The following SPACA7 variants were observed in gnomAD, a reference collection of about 807,000 sequenced individuals.
SPACA7 encodes sperm acrosome-associated protein 7.
Under a neutral mutation model 26.3 loss-of-function variants are expected in SPACA7, and 19 were observed. That is an observed-to-expected ratio of 0.72 (90% CI 0.50 to 1.06). The LOEUF is 1.06. SPACA7 is among the 50% of genes least tolerant of loss of function. The pLI, the probability that SPACA7 is intolerant of heterozygous loss-of-function variation, is 0.00. For missense variants in SPACA7, 211 were observed against 229.9 expected (o/e 0.92, Z 0.53); for synonymous variants, 84 against 84.5 (o/e 0.99, Z 0.04).
intron 5 of SPACA7, among the ~76,000 whole-genome samples, chr13:112,401,735 G>T (rs1254730779): frequency 6.6e-6 from 1 of 152,182 alleles, no homozygotes; most frequent in African/African-American, 2.4e-5. Context: ...TGCTACATTA[G>T]CTCTTGGATC....
intron 5 of SPACA7, among the ~76,000 whole-genome samples, chr13:112,410,048 G>T (rs1886245340): frequency 6.6e-6 from 1 of 152,114 alleles, no homozygotes; most frequent in Non-Finnish European, 1.5e-5. Context: ...AAAAAAGGAT[G>T]AGTTCATGTC....
intron 5 of SPACA7, among the ~76,000 whole-genome samples, chr13:112,404,644 T>G (rs2138974996): frequency 6.6e-6 from 1 of 152,240 alleles, no homozygotes; most frequent in African/African-American, 2.4e-5. Flanking sequence ...GGCTTGTCAA[T>G]TATACCAGCA....
rs373983426 is a variant in SPACA7, at chr13:112,434,431, C to A, written c.524-54C>A. 1,733 of 1,470,104 alleles carry A rather than the reference C, an allele frequency of 1.2e-3. 2 individuals are homozygous for A. Among genetic ancestry groups the A allele is most frequent in the Admixed American group, 7.9e-3 (419 of 52,746 alleles). 91.1% of individuals were successfully genotyped at this position (1,470,104 alleles called of 1,614,324 possible). On this transcript the variant is annotated intron_variant, in intron 6 of 6. Coordinates refer to ENST00000283550, the MANE Select transcript of SPACA7 (RefSeq NM_145248.5). ...GTGTCCCTCGATCCTGCCAGTGCCT[C>A]CATCTCCCTCATACCACACACTGCC...
intron 5 of SPACA7, among the ~76,000 whole-genome samples, chr13:112,411,258 A>G (rs1886333738): frequency 6.6e-6 from 1 of 151,916 alleles, no homozygotes; most frequent in South Asian, 2.1e-4. Flanking sequence ...AATGTCCCTA[A>G]TTCCCTTTTT....
intron 1 of SPACA7, among the ~76,000 whole-genome samples, chr13:112,386,968 C>T (rs922700532): frequency 3.3e-5 from 5 of 152,124 alleles, no homozygotes; most frequent in African/African-American, 1.2e-4. Flanking sequence ...AAATCAGAAG[C>T]TATCTATGAG....
intron 5 of SPACA7, among the ~76,000 whole-genome samples, chr13:112,421,214 A>G (rs1031286401): frequency 1.4e-5 from 2 of 147,838 alleles, no homozygotes; most frequent in Non-Finnish European, 3.0e-5. Context: ...GAAAAGAAAG[A>G]AAGAAACATG....
intron 1 of SPACA7, among the ~76,000 whole-genome samples, chr13:112,380,519 T>C (rs936124221): frequency 2.6e-5 from 4 of 151,598 alleles, no homozygotes; most frequent in Non-Finnish European, 5.9e-5. Flanking sequence ...ATACTAAAGC[T>C]CATCTATAAA....
chr13:112,395,490 T>C (rs1025004627), intron 2 of SPACA7, among the ~76,000 whole-genome samples: 7 of 152,074 alleles, frequency 4.6e-5, no homozygotes, highest in Non-Finnish European at 1.0e-4. Flanking sequence ...TTTTTTGAGA[T>C]GGAGTCTCAC....
intron 1 of SPACA7, among the ~76,000 whole-genome samples, chr13:112,383,103 AAG>A (rs1884220583): frequency 4.9e-5 from 1 of 20,360 alleles, no homozygotes; most frequent in African/African-American, 1.0e-4. Context: ...AGAAAGAAGA[AAG>A]AAAAGAAAAG....
chr13:112,392,966 A>C (rs1315390600), intron 1 of SPACA7, 55 bp from the exon 2 acceptor site: 4 of 1,526,224 alleles, frequency 2.6e-6, no homozygotes, highest in Admixed American at 3.4e-5. Context: ...TTAAAGAGAA[A>C]AATATGCAAA....
chr13:112,398,244 G>A (rs1458338890), intron 3 of SPACA7, 106 bp downstream of exon 3: 6 of 813,130 alleles, frequency 7.4e-6, no homozygotes, highest in Non-Finnish European at 1.2e-5. Flanking sequence ...ATTAAGACCA[G>A]CTATTTCTGG....
intron 1 of SPACA7, among the ~76,000 whole-genome samples, chr13:112,387,279 A>T (rs535942817): frequency 1.4e-4 from 22 of 152,230 alleles, no homozygotes; most frequent in Non-Finnish European, 3.2e-4. Flanking sequence ...TCACAAGGTT[A>T]AGCTCTTAAG....
At chr13:112,403,765 T>C (rs1885796479) in intron 5 of SPACA7, among the ~76,000 whole-genome samples, 1 of 152,262 alleles carries the variant, frequency 6.6e-6, no homozygotes, top group Admixed American at 6.5e-5. Flanking sequence ...CATTTCTTTT[T>C]ATACCTGAGT....
At chr13:112,413,407 A>ATTTATGCACCAT (rs574813076) in intron 5 of SPACA7, among the ~76,000 whole-genome samples, 367 of 149,776 alleles carry the variant, frequency 2.5e-3, no homozygotes, top group African/African-American at 8.6e-3. Flanking sequence ...ATGTCATCCA[A>ATTTATGCACCAT]CTCCCTCCTG....
At chr13:112,383,492 AT>A (rs1266939634) in intron 1 of SPACA7, among the ~76,000 whole-genome samples, 7 of 152,198 alleles carry the variant, frequency 4.6e-5, no homozygotes, top group African/African-American at 1.4e-4. Context: ...TAGAATAATT[AT>A]TTTTCACTTA....
chr13:112,382,615 A>G, intron 1 of SPACA7: 1 of 1,392,604 alleles, frequency 7.2e-7, no homozygotes, highest in Non-Finnish European at 9.6e-7. Context: ...CTATAGTTTT[A>G]GTACAGTATT....
At chr13:112,395,379 T>G (rs1357427278) in intron 2 of SPACA7, among the ~76,000 whole-genome samples, 2 of 152,162 alleles carry the variant, frequency 1.3e-5, no homozygotes, top group African/African-American at 4.8e-5. Flanking sequence ...CCTGAGTCGT[T>G]GCTAGAGGAG....
chr13:112,399,093 C>G lies in SPACA7; in HGVS notation c.269C>G (p.Ala90Gly), dbSNP rs373676902. The G allele has an allele frequency of 6.2e-7, 1 of 1,609,286 alleles. No homozygotes were observed. The highest frequency in any genetic ancestry group is 2.2e-5 in the East Asian group (1 of 44,860). The change falls in exon 4 of 7, where the codon GCT becomes GGT. Residue 90 changes from alanine to glycine, a missense_variant. Physicochemically the swap from Ala to Gly is moderately conservative, Grantham distance 60. Transcript: ENST00000283550. ...GCTGGTATTGATGAGAATTATCAAG[C>G]TGGTGGTTCTGAGAATTACCATGAA... Reference protein sequence around the residue: ...LHAGIDENYQAGGSENYHELL... With the variant: ...LHAGIDENYQGGGSENYHELL...
At chr13:112,409,916 C>T (rs553614142) in intron 5 of SPACA7, among the ~76,000 whole-genome samples, 2 of 152,124 alleles carry the variant, frequency 1.3e-5, no homozygotes, top group South Asian at 4.1e-4. Context: ...TGCATGCACA[C>T]GTATGTTTAT....
Sources: allele counts gnomAD v4.1 joint callset (sites outside exome capture counted in the v4.1 genomes callset), GRCh38; gene constraint gnomAD v4.1.1; transcripts MANE v1.5; gene names NCBI Gene and HGNC (gene_info 2026-07-23, HGNC 2026-07-21).